The following ILRUN variants were observed in gnomAD, a reference collection of about 807,000 sequenced individuals.
ILRUN encodes protein ILRUN.
Under a neutral mutation model 33.8 loss-of-function variants are expected in ILRUN, and 3 were observed. That is an observed-to-expected ratio of 0.09 (90% CI 0.04 to 0.23). The LOEUF (loss-of-function observed/expected upper bound fraction) is 0.23, where lower values mean the gene tolerates loss of function less well. ILRUN is among the 10% of genes least tolerant of loss of function. The pLI is 1.00. For synonymous variants in ILRUN, 124 were observed against 138.9 expected (o/e 0.89, Z 0.75); for missense variants, 210 against 375.1 (o/e 0.56, Z 3.64).
chr6:34,656,144 T>C (rs563157982), intron 1 of ILRUN, among the ~76,000 whole-genome samples: 2 of 146,048 alleles, frequency 1.4e-5, no homozygotes, highest in African/African-American at 5.1e-5. Flanking sequence ...GCTGAGGCAG[T>C]AGAATCGCTT....
intron 1 of ILRUN, among the ~76,000 whole-genome samples, chr6:34,664,086 G>A (rs1462659327): frequency 6.6e-6 from 1 of 152,154 alleles, no homozygotes; most frequent in Admixed American, 6.5e-5. Context: ...TCTTCAAAAG[G>A]AACAGAGTGT....
At chr6:34,663,153 G>A (rs1355736376) in intron 1 of ILRUN, among the ~76,000 whole-genome samples, 1 of 152,124 alleles carries the variant, frequency 6.6e-6, no homozygotes. Context: ...GGACCATGAC[G>A]GCTCATGCCT....
chr6:34,694,619 T>C (rs1203810546), intron 1 of ILRUN, among the ~76,000 whole-genome samples: 1 of 152,156 alleles, frequency 6.6e-6, no homozygotes, highest in African/African-American at 2.4e-5. Context: ...AAATGGAGAT[T>C]ACAAATGATT....
At position 34,592,537 on chromosome 6, in the gene ILRUN, G is replaced by T. The variant is rs1456312633; in HGVS notation, c.862-1937C>A. ...GTAGGGGGGGTCCCATACATCAGAG[G>T]TATCAAGTTCACGCAAAAGTAATTG... On this transcript the variant is annotated intron_variant, in intron 4 of 4. Transcript: ENST00000374023. This position sits in a 1 kb window ranked among gnomAD's most constrained non-coding sequence, Gnocchi z 4.0. Among the ~76,000 whole-genome samples the T allele has an allele frequency of 1.3e-5, 2 of 152,208 alleles. No homozygotes were observed. The highest frequency in any genetic ancestry group is 4.8e-5 in the African/African-American group (2 of 41,438).
At chr6:34,629,446 G>C (rs1177428182) in intron 3 of ILRUN, among the ~76,000 whole-genome samples, 1 of 152,132 alleles carries the variant, frequency 6.6e-6, no homozygotes, top group Admixed American at 6.6e-5. Flanking sequence ...GGGATTATAG[G>C]TGTGAACCAC....
rs869049658 is a variant in ILRUN at position 34,614,431 on chromosome 6, TAA to T, written c.512-7529_512-7528del. On this transcript the variant is annotated intron_variant, in intron 3 of 4. Coordinates refer to ENST00000374023, the MANE Select transcript of ILRUN (RefSeq NM_024294.4). ...AGCAAGACTCCATCTCAAAAAATAATAAAAAAAAAAAAATATATATATATAAA... is the reference window on the plus strand; with the variant it reads ...AGCAAGACTCCATCTCAAAAAATAATAAAAAAAAAAATATATATATATAAA... Among the ~76,000 whole-genome samples, 128 of 113,934 alleles carry T rather than the reference TAA, an allele frequency of 1.1e-3. 5 individuals carry two copies. The highest frequency in any genetic ancestry group is 4.1e-3 in the African/African-American group (122 of 29,576). 74.7% of individuals were successfully genotyped at this position (113,934 alleles called of 152,430 possible). A position where few individuals can be genotyped will look rare whatever the true frequency, so the allele number is the denominator to read the frequency against.
At chr6:34,664,689 T>C (rs1762958951) in intron 1 of ILRUN, among the ~76,000 whole-genome samples, 1 of 152,106 alleles carries the variant, frequency 6.6e-6, no homozygotes, top group Admixed American at 6.5e-5. Flanking sequence ...AGGAGAGACA[T>C]GAAAATATAT....
intron 1 of ILRUN, chr6:34,685,646 T>C (rs1763500506): frequency 6.6e-6 from 1 of 152,276 alleles, no homozygotes; most frequent in South Asian, 2.1e-4. Flanking sequence ...GCCTGGCAAA[T>C]TGACCTTTTA....
chr6:34,669,532 A>C (rs967298184), intron 1 of ILRUN, among the ~76,000 whole-genome samples: 2 of 152,102 alleles, frequency 1.3e-5, no homozygotes, highest in African/African-American at 4.8e-5. Context: ...TTCCAGAACC[A>C]CACAACTTGT....
chr6:34,611,553 T>G (rs955387658), intron 3 of ILRUN, among the ~76,000 whole-genome samples: 1 of 152,176 alleles, frequency 6.6e-6, no homozygotes, highest in African/African-American at 2.4e-5. Flanking sequence ...ACTGTATTAC[T>G]TTAATCAAAC....
chr6:34,614,505 A>AT (rs1354423943), intron 3 of ILRUN, among the ~76,000 whole-genome samples: 4 of 145,044 alleles, frequency 2.8e-5, no homozygotes, highest in Non-Finnish European at 6.0e-5. Flanking sequence ...ATTATATTTT[A>AT]TATATATATA....
At chr6:34,682,623 G>A (rs1187838693) in intron 1 of ILRUN, among the ~76,000 whole-genome samples, 6 of 151,762 alleles carry the variant, frequency 4.0e-5, no homozygotes, top group Admixed American at 1.3e-4. Context: ...ACAAGTGCAC[G>A]CCACCATGCC....
intron 1 of ILRUN, among the ~76,000 whole-genome samples, chr6:34,680,399 T>A (rs1436720179): frequency 6.6e-6 from 1 of 152,172 alleles, no homozygotes; most frequent in Non-Finnish European, 1.5e-5. Context: ...TTATCGCTTA[T>A]TTTTTTGTTT....
chr6:34,595,801 T>C, intron 4 of ILRUN: 1 of 985,462 alleles, frequency 1.0e-6, no homozygotes, highest in South Asian at 4.7e-5. Flanking sequence ...GCAAGTTTGT[T>C]GTATGGCTGA....
At chr6:34,623,587 C>T (rs1460244169) in intron 3 of ILRUN, among the ~76,000 whole-genome samples, 1 of 152,138 alleles carries the variant, frequency 6.6e-6, no homozygotes, top group Admixed American at 6.5e-5. Context: ...CATGAAACTA[C>T]ACTTAAGAAC....
chr6:34,667,779 G>A (rs1045692472), intron 1 of ILRUN, among the ~76,000 whole-genome samples: 1 of 151,968 alleles, frequency 6.6e-6, no homozygotes, highest in East Asian at 1.9e-4. Context: ...AGGACACTCC[G>A]ACTGGCATAA....
At chr6:34,620,991 C>T (rs1209369768) in intron 3 of ILRUN, among the ~76,000 whole-genome samples, 1 of 152,228 alleles carries the variant, frequency 6.6e-6, no homozygotes, top group Admixed American at 6.5e-5. Flanking sequence ...TTATAGGAGT[C>T]TGCTCTGCAG....
intron 4 of ILRUN, among the ~76,000 whole-genome samples, chr6:34,599,971 T>C (rs1192765461): frequency 1.3e-5 from 2 of 152,214 alleles, no homozygotes; most frequent in East Asian, 3.8e-4. Context: ...CTACACAATA[T>C]AGATCCGGAC....
intron 3 of ILRUN, among the ~76,000 whole-genome samples, chr6:34,633,809 G>A (rs577503762): frequency 0.022 from 3,145 of 146,084 alleles, 92 homozygotes; most frequent in African/African-American, 0.065. Flanking sequence ...AGAAAGGAAA[G>A]GAAAAAGAAA....
Sources: allele counts gnomAD v4.1 joint callset (sites outside exome capture counted in the v4.1 genomes callset), GRCh38; gene constraint gnomAD v4.1.1; non-coding constraint Gnocchi (gnomAD v3.1); transcripts MANE v1.5; gene names NCBI Gene and HGNC (gene_info 2026-07-23, HGNC 2026-07-21).